WDSUB1: variants seen among roughly 807,000 people sequenced by gnomAD.
The protein encoded by WDSUB1 is WD repeat, SAM and U-box domain-containing protein 1.
Under a neutral mutation model 53.9 loss-of-function variants are expected in WDSUB1, and 49 were observed. The observed-to-expected ratio is 0.91, with a 90% CI of 0.72 to 1.15. The LOEUF is 1.15. Ranked by LOEUF, WDSUB1 falls within the 50% of genes most tolerant of loss-of-function variation. The pLI, the probability that WDSUB1 is intolerant of heterozygous loss-of-function variation, is 0.00. For synonymous variants in WDSUB1, 194 were observed against 200.6 expected (o/e 0.97, Z 0.28); for missense variants, 514 against 562.0 (o/e 0.91, Z 0.86).
At chr2:159,272,957 G>A (rs2061471822) in intron 4 of WDSUB1, among the ~76,000 whole-genome samples, 1 of 152,058 alleles carries the variant, frequency 6.6e-6, no homozygotes, top group Non-Finnish European at 1.5e-5. Context: ...GGCAGGGGTT[G>A]GGAAAGAAGG....
intron 10 of WDSUB1, among the ~76,000 whole-genome samples, chr2:159,243,556 T>C (rs2060715009): frequency 7.3e-6 from 1 of 136,996 alleles, no homozygotes; most frequent in South Asian, 2.3e-4. Flanking sequence ...ACAAGGTATA[T>C]GTCTCTATTG....
chr2:159,284,237 A>G (rs1462061461), intron 1 of WDSUB1, among the ~76,000 whole-genome samples: 1 of 152,036 alleles, frequency 6.6e-6, no homozygotes, highest in Non-Finnish European at 1.5e-5. Context: ...AATTTCCACA[A>G]CTCCTCAAAA....
intron 5 of WDSUB1, among the ~76,000 whole-genome samples, chr2:159,265,877 C>T (rs749294931): frequency 2.0e-5 from 3 of 152,258 alleles, no homozygotes; most frequent in Admixed American, 6.5e-5. Flanking sequence ...AAACCTCTTG[C>T]GTATTTTGCT....
At chr2:159,271,569 G>T in intron 5 of WDSUB1, 133 bp downstream of exon 5, 1 of 754,148 alleles carries the variant, frequency 1.3e-6, no homozygotes, top group Non-Finnish European at 2.2e-6. Context: ...TTCTGGGGCA[G>T]AACCAGCAAT....
chr2:159,285,887 G>C (rs1445050269), intron 1 of WDSUB1, among the ~76,000 whole-genome samples: 1 of 152,124 alleles, frequency 6.6e-6, no homozygotes, highest in African/African-American at 2.4e-5. Flanking sequence ...AGACCAGGTG[G>C]TGCTTTCTGG....
At chr2:159,259,981 T>G (rs2061153662) in intron 5 of WDSUB1, 138 bp from the exon 6 acceptor site, 2 of 985,372 alleles carry the variant, frequency 2.0e-6, no homozygotes, top group South Asian at 3.9e-5. Flanking sequence ...GCAATCCTTT[T>G]GTTCATATGC....
In WDSUB1 at chr2:159,236,113, C is replaced by T; in HGVS notation, c.1351G>A (p.Val451Ile). 6.2e-7 allele frequency: 1 copy of T among 1,613,826 alleles called. No individual in the cohort carries two copies. ...KKRTSPMTNL[V>I]LPSAVLTPNR... ...GGTGTAAGTACCGCTGAAGGAAGAA[C>T]AAGATTTGTCATGGGACTTGTACGT... Residue 451 changes from valine to isoleucine, a missense_variant, in exon 11 of 11, where the codon GTT becomes ATT. Coordinates refer to ENST00000359774, the MANE Select transcript of WDSUB1 (RefSeq NM_001128212.3).
intron 6 of WDSUB1, among the ~76,000 whole-genome samples, chr2:159,258,564 C>T (rs1453641932): frequency 6.6e-6 from 1 of 152,074 alleles, no homozygotes; most frequent in Non-Finnish European, 1.5e-5. Context: ...GAGGCTAAGG[C>T]AGGAGAATTG....
At chr2:159,246,624 C>T (rs531222560) in intron 10 of WDSUB1, among the ~76,000 whole-genome samples, 1 of 152,196 alleles carries the variant, frequency 6.6e-6, no homozygotes, top group African/African-American at 2.4e-5. Flanking sequence ...TCGTACAACC[C>T]AGTAATTTCA....
intron 5 of WDSUB1, among the ~76,000 whole-genome samples, chr2:159,260,938 T>C (rs1214967876): frequency 6.6e-6 from 1 of 152,214 alleles, no homozygotes; most frequent in Non-Finnish European, 1.5e-5. Context: ...AAATTCCTTG[T>C]TCAGTAGACC....
At chr2:159,283,283 GGGTGTGGGGGAT>G (rs2061715103) in intron 1 of WDSUB1, among the ~76,000 whole-genome samples, 190 bp from the exon 2 acceptor site, 1 of 152,178 alleles carries the variant, frequency 6.6e-6, no homozygotes, top group East Asian at 1.9e-4. Context: ...CCCTGGACTG[GGGTGTGGGGGAT>G]GGTTTCAGGA....
rs2060874083 is a variant in WDSUB1, at chr2:159,248,517, AAAG to A, written c.1133-8_1133-6del. 8.0e-6 allele frequency: 12 copies of A among 1,493,588 alleles called. No individual in the cohort carries two copies. The highest frequency in any genetic ancestry group is 9.7e-6 in the Non-Finnish European group (11 of 1,128,268). The allele number at this position is 1,493,588 out of a possible 1,614,324, so 92.5% of individuals were successfully genotyped here. ...TACTACGCAGTCCTAGAGATTCTGAAAAGAAATTACTGTTAGGGCTGGATAACT... is the reference window on the plus strand; with the variant it reads ...TACTACGCAGTCCTAGAGATTCTGAAAAATTACTGTTAGGGCTGGATAACT... On this transcript the variant is annotated splice_polypyrimidine_tract_variant and splice_region_variant and intron_variant, in intron 9 of 10. Transcript: ENST00000359774.
chr2:159,263,003 A>G (rs2061257972), intron 5 of WDSUB1, among the ~76,000 whole-genome samples: 1 of 152,202 alleles, frequency 6.6e-6, no homozygotes, highest in African/African-American at 2.4e-5. Flanking sequence ...TTGATACTCC[A>G]TTCCTACAGT....
chr2:159,243,784 C>T (rs1004460309), intron 10 of WDSUB1, among the ~76,000 whole-genome samples: 3 of 152,072 alleles, frequency 2.0e-5, no homozygotes, highest in Non-Finnish European at 2.9e-5. Context: ...GAAATGCATA[C>T]ATATGTTAAC....
At chr2:159,261,890 ATATATATTTTTTTTTTT>A (rs2061228585) in intron 5 of WDSUB1, among the ~76,000 whole-genome samples, 1 of 13,660 alleles carries the variant, frequency 7.3e-5, no homozygotes, top group Non-Finnish European at 1.1e-4. Context: ...ATATATATAT[ATATATATTTTTTTTTTT>A]TTTTTTTTTT....
At chr2:159,273,904 C>T (rs2061490563) in intron 4 of WDSUB1, among the ~76,000 whole-genome samples, 1 of 152,040 alleles carries the variant, frequency 6.6e-6, no homozygotes, top group South Asian at 2.1e-4. Context: ...TTATGAACAA[C>T]AAAAATACAG....
intron 9 of WDSUB1, among the ~76,000 whole-genome samples, chr2:159,251,518 C>A (rs1462821199): frequency 6.6e-6 from 1 of 152,114 alleles, no homozygotes; most frequent in Non-Finnish European, 1.5e-5. Context: ...TACTAAACCA[C>A]ATCCCCAGAG....
chr2:159,261,892 ATATATTTTTTT>A (rs2061230271), intron 5 of WDSUB1, among the ~76,000 whole-genome samples: 1 of 13,266 alleles, frequency 7.5e-5, no homozygotes, highest in African/African-American at 4.8e-4. Context: ...ATATATATAT[ATATATTTTTTT>A]TTTTTTTTTT....
At chr2:159,249,259 A>T (rs144019886) in intron 9 of WDSUB1, among the ~76,000 whole-genome samples, 29 of 152,352 alleles carry the variant, frequency 1.9e-4, no homozygotes, top group African/African-American at 6.7e-4. Context: ...TGATTCTTGT[A>T]AGAAACACAA....
Sources: allele counts gnomAD v4.1 joint callset (sites outside exome capture counted in the v4.1 genomes callset), GRCh38; gene constraint gnomAD v4.1.1; transcripts MANE v1.5; gene names NCBI Gene and HGNC (gene_info 2026-07-23, HGNC 2026-07-21).